The following REDIC1 variants were observed in gnomAD, a reference collection of about 807,000 sequenced individuals.
The protein encoded by REDIC1 is HEI10 Interacting Protein 1.
At chr12:39,693,773 T>C in the REDIC1 span, among the ~76,000 whole-genome samples, 1 of 152,192 alleles carries the variant, frequency 6.6e-6, no homozygotes, top group Non-Finnish European at 1.5e-5. Flanking sequence ...ACAATGTTTC[T>C]TATTTGTGGA....
chr12:39,724,276 G>C, the REDIC1 span, among the ~76,000 whole-genome samples: 2 of 152,112 alleles, frequency 1.3e-5, no homozygotes, highest in Admixed American at 6.6e-5. Context: ...CATCGATATT[G>C]GTTGGGAACT....
chr12:39,830,081 T>C, the REDIC1 span: 2 of 1,612,984 alleles, frequency 1.2e-6, no homozygotes, highest in African/African-American at 1.3e-5. Flanking sequence ...TATATATTCG[T>C]ATGGTAAAAT....
chr12:39,864,532 A>C, the REDIC1 span, among the ~76,000 whole-genome samples: 1 of 152,144 alleles, frequency 6.6e-6, no homozygotes, highest in African/African-American at 2.4e-5. Flanking sequence ...CATCACCAAG[A>C]TTGTGTCTAA....
At chr12:39,759,271 TA>T in the REDIC1 span, 1 of 152,280 alleles carries the variant, frequency 6.6e-6, no homozygotes, top group South Asian at 2.1e-4. Flanking sequence ...TTTCTGAACA[TA>T]AAAGGTACTT....
At chr12:39,805,284 G>C in the REDIC1 span, among the ~76,000 whole-genome samples, 11 of 152,178 alleles carry the variant, frequency 7.2e-5, no homozygotes, top group Non-Finnish European at 1.6e-4. Flanking sequence ...TTTGAAAAGG[G>C]TCAGTGTGGC....
At chr12:39,715,856 T>G in the REDIC1 span, among the ~76,000 whole-genome samples, 4 of 151,990 alleles carry the variant, frequency 2.6e-5, no homozygotes, top group African/African-American at 9.7e-5. Context: ...GAAATGCCCT[T>G]AAATTATGTT....
chr12:39,705,198 A>G, the REDIC1 span, among the ~76,000 whole-genome samples: 1 of 152,130 alleles, frequency 6.6e-6, no homozygotes, highest in African/African-American at 2.4e-5. Flanking sequence ...CATGCCAATA[A>G]GTTGGAAAAT....
At chr12:39,847,315 G>C in the REDIC1 span, among the ~76,000 whole-genome samples, 756 of 152,126 alleles carry the variant, frequency 5.0e-3, 21 homozygotes, top group East Asian at 0.094. Flanking sequence ...CTTTTTAAGA[G>C]AAATGTGATT....
the REDIC1 span, among the ~76,000 whole-genome samples, chr12:39,785,250 C>T: frequency 6.6e-6 from 1 of 152,140 alleles, no homozygotes; most frequent in African/African-American, 2.4e-5. Flanking sequence ...ATGCTGTGTG[C>T]AGCCTAGAGA....
chr12:39,871,369 C>T, the REDIC1 span, among the ~76,000 whole-genome samples: 1 of 114,042 alleles, frequency 8.8e-6, no homozygotes, highest in Non-Finnish European at 1.8e-5. Context: ...TATTCCACTG[C>T]TGAAAGAGCT....
At chr12:39,640,490 G>A in the REDIC1 span, among the ~76,000 whole-genome samples, 8 of 151,882 alleles carry the variant, frequency 5.3e-5, no homozygotes, top group South Asian at 4.1e-4. Context: ...ATATATTAAC[G>A]TAACTGATGT....
At chr12:39,896,151 T>C in the REDIC1 span, among the ~76,000 whole-genome samples, 1 of 149,228 alleles carries the variant, frequency 6.7e-6, no homozygotes, top group African/African-American at 2.4e-5. Flanking sequence ...CCTATATATG[T>C]ATACACGTGT....
the REDIC1 span, chr12:39,759,697 A>G: frequency 8.5e-6 from 2 of 234,986 alleles, no homozygotes; most frequent in African/African-American, 4.7e-5. Context: ...GTTGCCACTA[A>G]TAATTATAAA....
chr12:39,684,882 G>A, the REDIC1 span: 63 of 1,611,382 alleles, frequency 3.9e-5, no homozygotes, highest in Middle Eastern at 1.6e-4. Context: ...ATATACCTTC[G>A]GAAGAATTGC....
chr12:39,650,863 T>C, the REDIC1 span, among the ~76,000 whole-genome samples: 1 of 152,162 alleles, frequency 6.6e-6, no homozygotes, highest in Non-Finnish European at 1.5e-5. The surrounding 1 kb of genome is among the most constrained non-coding windows in gnomAD (Gnocchi z 4.3). Context: ...TTTAAAATTA[T>C]TTTGGACAGA....
the REDIC1 span, among the ~76,000 whole-genome samples, chr12:39,847,119 T>G: frequency 1.3e-5 from 2 of 152,198 alleles, no homozygotes; most frequent in Non-Finnish European, 1.5e-5. Flanking sequence ...GACTTTAGAC[T>G]TCTAATGAGC....
chr12:39,857,589 A>G, the REDIC1 span, among the ~76,000 whole-genome samples: 2 of 152,190 alleles, frequency 1.3e-5, no homozygotes, highest in East Asian at 1.9e-4. Context: ...TCTGTAATCA[A>G]TTTTCCACTC....
the REDIC1 span, among the ~76,000 whole-genome samples, chr12:39,859,331 C>T: frequency 0.017 from 619 of 35,566 alleles, 1 homozygote; most frequent in East Asian, 0.036. Flanking sequence ...TTTTTTTTTT[C>T]TGAAAAAAAA....
chr12:39,864,012 T>C, the REDIC1 span, among the ~76,000 whole-genome samples: 1 of 152,250 alleles, frequency 6.6e-6, no homozygotes. Context: ...TCTATCTATA[T>C]GTTTTAAAGG....
Sources: allele counts gnomAD v4.1 joint callset (sites outside exome capture counted in the v4.1 genomes callset), GRCh38; gene constraint gnomAD v4.1.1; non-coding constraint Gnocchi (gnomAD v3.1); transcripts MANE v1.5; gene names NCBI Gene and HGNC (gene_info 2026-07-23, HGNC 2026-07-21).